CNTNAP5: variants seen among roughly 807,000 people sequenced by gnomAD.
CNTNAP5 encodes contactin associated protein family member 5, also known as contactin-associated protein-like 5.
A neutral mutation model predicts 150.2 loss-of-function variants in CNTNAP5; 72 were observed. The ratio of observed to expected loss-of-function variants is 0.48; its 90% confidence interval spans 0.40 to 0.58. The LOEUF is 0.58. CNTNAP5 is among the 20% of genes least tolerant of loss of function. CNTNAP5 has a pLI of 0.00. For synonymous variants in CNTNAP5, 672 were observed against 619.8 expected, an observed-to-expected ratio of 1.08 and a Z score of -1.25; for missense variants, 1,636 against 1,626.2, an observed-to-expected ratio of 1.01 and a Z score of -0.10.
At chr2:124,836,072 G>A (rs1471557131) in intron 19 of CNTNAP5, among the ~76,000 whole-genome samples, 2 of 152,106 alleles carry the variant, frequency 1.3e-5, no homozygotes, top group Non-Finnish European at 2.9e-5. Context: ...GTGGCCAATG[G>A]TAAGTGGCAG....
chr2:124,060,324 C>T (rs1681973711), intron 1 of CNTNAP5, among the ~76,000 whole-genome samples: 2 of 152,152 alleles, frequency 1.3e-5, no homozygotes, highest in African/African-American at 2.4e-5. Flanking sequence ...CAGGCTTGCC[C>T]TGATCATATT....
At chr2:124,716,418 C>G (rs565753750) in intron 13 of CNTNAP5, among the ~76,000 whole-genome samples, 1 of 151,948 alleles carries the variant, frequency 6.6e-6, no homozygotes, top group Non-Finnish European at 1.5e-5. Context: ...TTATAGAACA[C>G]CTGCTTCTGT....
rs1681019327 is a variant in CNTNAP5 at position 124,764,151 on chromosome 2, A to G, written c.2533+4A>G. The G allele has an allele frequency of 6.2e-7, 1 of 1,609,380 alleles. No homozygotes were observed. The highest frequency in any genetic ancestry group is 8.5e-7 in the Non-Finnish European group (1 of 1,176,498). The stretch of plus-strand genomic sequence containing the variant: ...TTCATTCGACTCGAAATAAGCTGTA[A>G]GTGCCCTCAATTATGAATTTAATGT... On this transcript the variant is annotated splice_donor_region_variant and intron_variant, in intron 16 of 23. Coordinates refer to ENST00000682447, the MANE Select transcript of CNTNAP5 (RefSeq NM_001367498.1).
At chr2:124,123,664 G>A (rs553820296) in intron 1 of CNTNAP5, among the ~76,000 whole-genome samples, 5 of 152,260 alleles carry the variant, frequency 3.3e-5, no homozygotes, top group South Asian at 2.1e-4. Context: ...AGTAGGGGCC[G>A]ACTGACACCT....
At chr2:124,720,795 A>T (rs777661771) in intron 13 of CNTNAP5, among the ~76,000 whole-genome samples, 7 of 152,226 alleles carry the variant, frequency 4.6e-5, no homozygotes, top group Non-Finnish European at 8.8e-5. Flanking sequence ...TTATTAGTGT[A>T]CCTATAACCC....
intron 1 of CNTNAP5, among the ~76,000 whole-genome samples, chr2:124,086,138 G>T (rs1357292212): frequency 6.9e-6 from 1 of 144,520 alleles, no homozygotes; most frequent in East Asian, 2.1e-4. Flanking sequence ...TGTTTTATCA[G>T]TTCTATCAGT....
intron 11 of CNTNAP5, among the ~76,000 whole-genome samples, chr2:124,591,021 C>T (rs1292868379): frequency 6.6e-6 from 1 of 152,134 alleles, no homozygotes; most frequent in Non-Finnish European, 1.5e-5. Context: ...GATCCATCTG[C>T]TCTGTCCAGC....
chr2:124,722,879 A>T (rs893262873), intron 13 of CNTNAP5, among the ~76,000 whole-genome samples: 15 of 152,160 alleles, frequency 9.9e-5, no homozygotes, highest in Non-Finnish European at 2.1e-4. Context: ...GCCACATCCC[A>T]GAAGTCTGAC....
At chr2:124,332,659 A>G (rs1434656670) in intron 3 of CNTNAP5, among the ~76,000 whole-genome samples, 2 of 151,842 alleles carry the variant, frequency 1.3e-5, no homozygotes, top group Non-Finnish European at 2.9e-5. Flanking sequence ...TAGTTACCAA[A>G]GAGATTTAGA....
At chr2:124,068,323 T>C (rs1242625289) in intron 1 of CNTNAP5, among the ~76,000 whole-genome samples, 1 of 152,138 alleles carries the variant, frequency 6.6e-6, no homozygotes, top group Non-Finnish European at 1.5e-5. Context: ...TGCATTGAAC[T>C]CAGTGCTGCC....
intron 19 of CNTNAP5, among the ~76,000 whole-genome samples, chr2:124,854,358 T>A (rs1267076312): frequency 6.6e-6 from 1 of 152,218 alleles, no homozygotes; most frequent in East Asian, 1.9e-4. Flanking sequence ...TCATTATGAA[T>A]ATTCTCATTA....
chr2:124,557,962 G>A (rs1462667136), intron 10 of CNTNAP5, among the ~76,000 whole-genome samples: 2 of 152,106 alleles, frequency 1.3e-5, no homozygotes, highest in Admixed American at 6.5e-5. Flanking sequence ...GTGTAGGGGT[G>A]AGTTGAGAGT....
chr2:124,554,033 G>A (rs1300964402), intron 10 of CNTNAP5, among the ~76,000 whole-genome samples: 2 of 151,850 alleles, frequency 1.3e-5, no homozygotes, highest in Non-Finnish European at 2.9e-5. Context: ...ATTTATTTTT[G>A]GTTTTAAAAA....
At position 124,128,621 on chromosome 2, in the gene CNTNAP5, T is replaced by C. The variant is rs946078929; in HGVS notation, c.83-93084T>C. Among the ~76,000 whole-genome samples, 12 of 152,208 alleles carry C rather than the reference T, an allele frequency of 7.9e-5. No individual in the cohort carries two copies. In the East Asian group the frequency reaches 2.3e-3, roughly 29 times the overall value. On this transcript the variant is annotated intron_variant, in intron 1 of 23. Transcript: ENST00000682447. ...AAAGACACATGCACACGTATGTTTA[T>C]TGCGGCACTATTCACAATAGAAAAG...
intron 19 of CNTNAP5, among the ~76,000 whole-genome samples, chr2:124,838,964 A>T (rs1417375773): frequency 6.6e-6 from 1 of 152,164 alleles, no homozygotes; most frequent in African/African-American, 2.4e-5. Context: ...CTCACATTTG[A>T]TTAGAAGAGT....
chr2:124,232,388 A>G (rs867811789), intron 2 of CNTNAP5, among the ~76,000 whole-genome samples: 1 of 152,234 alleles, frequency 6.6e-6, no homozygotes, highest in Middle Eastern at 3.4e-3. Flanking sequence ...TCTACTGGAT[A>G]TGTTGTTGGA....
intron 8 of CNTNAP5, among the ~76,000 whole-genome samples, chr2:124,512,250 C>T (rs1365141692): frequency 2.0e-5 from 3 of 151,874 alleles, no homozygotes; most frequent in Non-Finnish European, 4.4e-5. Context: ...CCCAGAGCTT[C>T]CTAGATGCAC....
intron 3 of CNTNAP5, among the ~76,000 whole-genome samples, chr2:124,368,120 C>T (rs1159374121): frequency 6.6e-6 from 1 of 152,102 alleles, no homozygotes; most frequent in Non-Finnish European, 1.5e-5. Context: ...GCCTCGTAAG[C>T]TTAGGTTGAA....
chr2:124,825,504 T>A (rs780282580), intron 19 of CNTNAP5, among the ~76,000 whole-genome samples: 3 of 152,162 alleles, frequency 2.0e-5, no homozygotes, highest in Non-Finnish European at 4.4e-5. Flanking sequence ...CCTCTTATAC[T>A]GTGGGTGGAG....
Sources: allele counts gnomAD v4.1 joint callset (sites outside exome capture counted in the v4.1 genomes callset), GRCh38; gene constraint gnomAD v4.1.1; transcripts MANE v1.5; gene names NCBI Gene and HGNC (gene_info 2026-07-23, HGNC 2026-07-21).